Variants in UBR3 observed in about 807,000 individuals in gnomAD.
The protein encoded by UBR3 is ubiquitin protein ligase E3 component n-recognin 3.
In UBR3, 85 loss-of-function variants were observed where a neutral mutation model predicts 243.2. The ratio of observed to expected loss-of-function variants is 0.35; its 90% CI spans 0.29 to 0.42. The LOEUF (loss-of-function observed/expected upper bound fraction) is 0.42. Ranked by LOEUF, UBR3 falls within the 10% of genes least tolerant of loss-of-function variation. The pLI, the probability that UBR3 is intolerant of heterozygous loss-of-function variation, is 1.00. For synonymous variants in UBR3, 748 were observed against 799.8 expected (o/e 0.94, Z 1.09); for missense variants, 1,686 against 2,300.8 (o/e 0.73, Z 5.47).
chr2:169,949,841 C>T lies in UBR3; in HGVS notation c.3321C>T (p.Tyr1107=), dbSNP rs2086938086. The T allele has an allele frequency of 1.9e-6, 3 of 1,571,114 alleles. No individual in the cohort carries two copies. Among genetic ancestry groups the T allele is most frequent in the South Asian group, 2.3e-5 (2 of 86,592 alleles). Residue 1107 remains tyrosine (Y), a synonymous_variant, in exon 23 of 39, where the codon TAC becomes TAT. Transcript: ENST00000272793. Reference sequence around the variant, plus strand: ...AACTCTCAGGAAAACAAAACTCCTACTATCCTCCTTGGCTTGATGACATAG... The same window carrying T: ...AACTCTCAGGAAAACAAAACTCCTATTATCCTCCTTGGCTTGATGACATAG... ...HHKLSGKQNS[Y]YPPWLDDIEI... is the part of the protein sequence containing the mutation.
chr2:169,936,437 A>G (rs1160247323), intron 19 of UBR3, among the ~76,000 whole-genome samples: 2 of 152,098 alleles, frequency 1.3e-5, no homozygotes, highest in Non-Finnish European at 2.9e-5. Context: ...TCTCTGATAT[A>G]TTAATGATAG....
chr2:169,982,494 A>G (rs1423444435), intron 24 of UBR3, among the ~76,000 whole-genome samples: 3 of 152,258 alleles, frequency 2.0e-5, no homozygotes, highest in African/African-American at 7.2e-5. Context: ...AATTTTATGT[A>G]ACAGTGTAAA....
Position 170,082,094 on chromosome 2 carries a change from A to G in UBR3, c.*251A>G, listed in dbSNP as rs2091917284. 1 of 300,840 alleles carries G rather than the reference A, an allele frequency of 3.3e-6. No homozygotes were observed. The allele number at this position is 300,840 out of a possible 1,614,324, so 18.6% of individuals were successfully genotyped here. A position where few individuals can be genotyped will look rare whatever the true frequency, so the allele number is the denominator to read the frequency against. On this transcript the variant is annotated 3_prime_UTR_variant, in exon 39 of 39. Transcript: ENST00000272793. The stretch of plus-strand genomic sequence containing the variant: ...TGGTCATTTTTTAAGTGCACAATTA[A>G]TAAGAAGCACAACTTGTTCACAAAC...
chr2:170,036,740 T>C lies in UBR3; in HGVS notation c.4557-4142T>C, dbSNP rs570647931. ...GAATGATTCTCCATGGTTTAAAATA[T>C]TAAATCTTATTTTGTCATAGTTGTT... is the stretch of plus-strand genomic sequence containing the variant. On this transcript the variant is annotated intron_variant, in intron 31 of 38. Coordinates refer to ENST00000272793, the MANE Select transcript of UBR3 (RefSeq NM_172070.4). Among the ~76,000 whole-genome samples the C allele has an allele frequency of 2.6e-5, 4 of 152,262 alleles. No homozygotes were observed. In the South Asian group the frequency reaches 8.3e-4, roughly 32 times the overall value.
At chr2:169,891,637 C>T (rs983775036) in intron 6 of UBR3, among the ~76,000 whole-genome samples, 5 of 151,774 alleles carry the variant, frequency 3.3e-5, no homozygotes, top group African/African-American at 1.2e-4. Context: ...CACACACACA[C>T]ACAGGGAATG....
intron 10 of UBR3, among the ~76,000 whole-genome samples, chr2:169,907,916 T>G (rs1399633461): frequency 6.6e-6 from 1 of 152,062 alleles, no homozygotes; most frequent in Non-Finnish European, 1.5e-5. Context: ...GGATTACAAG[T>G]GTGCACCACC....
intron 1 of UBR3, among the ~76,000 whole-genome samples, chr2:169,858,308 A>G (rs529809174): frequency 1.4e-4 from 22 of 152,294 alleles, no homozygotes; most frequent in African/African-American, 4.3e-4. Flanking sequence ...GCCTGCTTGA[A>G]AAACTTCCTT....
intron 1 of UBR3, among the ~76,000 whole-genome samples, chr2:169,852,479 A>G (rs1361550984): frequency 6.6e-6 from 1 of 152,186 alleles, no homozygotes; most frequent in East Asian, 1.9e-4. Context: ...CTTTCACTCT[A>G]CAAAAACAGA....
intron 14 of UBR3, among the ~76,000 whole-genome samples, 168 bp downstream of exon 14, chr2:169,925,915 G>T (rs879675227): frequency 2.0e-5 from 3 of 152,190 alleles, no homozygotes; most frequent in Non-Finnish European, 4.4e-5. Flanking sequence ...CCAACACAAG[G>T]CTACAAGGAA....
chr2:169,990,239 A>G (rs2089211450), intron 25 of UBR3, among the ~76,000 whole-genome samples: 1 of 152,156 alleles, frequency 6.6e-6, no homozygotes, highest in African/African-American at 2.4e-5. Context: ...CTGCTTAATT[A>G]AGGGCCTTTA....
Position 170,064,803 on chromosome 2 carries a change from ATTTTTTT to A in UBR3, c.5019+3376_5019+3382del. ...TTCTTGACGTCTTTTTGCTTTTTCT[ATTTTTTT>A]TTTTTTTTTTTTTTTGCTATATATG... On this transcript the variant is annotated intron_variant, in intron 35 of 38. Coordinates refer to ENST00000272793, the MANE Select transcript of UBR3 (RefSeq NM_172070.4). Among the ~76,000 whole-genome samples the A allele has an allele frequency of 5.5e-3, 486 of 87,906 alleles. 2 individuals carry two copies. The highest frequency in any genetic ancestry group is 0.019 in the African/African-American group (431 of 23,110). 57.7% of individuals were successfully genotyped at this position (87,906 alleles called of 152,430 possible).
intron 31 of UBR3, among the ~76,000 whole-genome samples, chr2:170,035,735 C>G (rs1158333570): frequency 1.3e-5 from 2 of 151,906 alleles, no homozygotes; most frequent in African/African-American, 4.8e-5. Flanking sequence ...CATTGAATCT[C>G]TAGGTCAAGT....
Position 169,986,628 on chromosome 2 carries a change from T to C in UBR3, c.3635-17T>C. On this transcript the variant is annotated splice_polypyrimidine_tract_variant and intron_variant, in intron 24 of 38. Transcript: ENST00000272793. ...TTCCTCCTAAGGAATTAAAGAGATG[T>C]AACTTTTTTCCCTCAGATTCTCCTG... is the stretch of plus-strand genomic sequence containing the variant. The C allele has an allele frequency of 6.3e-7, 1 of 1,598,734 alleles. No individual in the cohort carries two copies. Among genetic ancestry groups the C allele is most frequent in the African/African-American group, 1.3e-5 (1 of 74,462 alleles).
Position 169,928,824 on chromosome 2 carries a change from T to C in UBR3, c.2522T>C (p.Phe841Ser). ...GTAGCTGATTTTAAGGCTCCTGTTT[T>C]TGAACCTGGAGGTTCTATGCAACAA... ...SAVADFKAPV[F>S]EPGGSMQQGM... Residue 841 changes from phenylalanine to serine, a missense_variant, in exon 18 of 39, where the codon TTT becomes TCT. Around this residue, in one of 8 missense-constraint regions of UBR3, gnomAD observed 346 missense variants for 585.8 expected, o/e 0.59. Transcript: ENST00000272793. The C allele has an allele frequency of 6.6e-7, 1 of 1,504,842 alleles. No individual in the cohort carries two copies. The highest frequency in any genetic ancestry group is 9.0e-7 in the Non-Finnish European group (1 of 1,114,286). The allele number at this position is 1,504,842 out of a possible 1,614,324, so 93.2% of individuals were successfully genotyped here. A position where few individuals can be genotyped will look rare whatever the true frequency, so the allele number is the denominator to read the frequency against.
Position 169,949,764 on chromosome 2 carries a change from A to G in UBR3, c.3244A>G (p.Ile1082Val). 5 of 1,551,644 alleles carry G rather than the reference A, an allele frequency of 3.2e-6. No individual in the cohort carries two copies. The highest frequency in any genetic ancestry group is 4.4e-6 in the Non-Finnish European group (5 of 1,146,786). Residue 1082 changes from isoleucine (I) to valine (V), a missense_variant, in exon 23 of 39, where the codon ATT becomes GTT. By Grantham distance (29) the Ile-to-Val change is conservative (BLOSUM62 3). Transcript: ENST00000272793. ...PGSAPQLTTA[I>V]LEIKESILSL... Reference sequence around the variant, plus strand: ...TTCAGCTCCACAGTTAACTACAGCCATTTTGGAAATTAAAGAAAGCATATT... The same window carrying G: ...TTCAGCTCCACAGTTAACTACAGCCGTTTTGGAAATTAAAGAAAGCATATT...
At chr2:169,964,253 T>G (rs1165846249) in intron 24 of UBR3, 1 of 283,012 alleles carries the variant, frequency 3.5e-6, no homozygotes, top group East Asian at 1.1e-4. Flanking sequence ...GAGCAGTCCT[T>G]TTTTTGTCAG....
At chr2:170,039,713 C>T (rs1197678411) in intron 31 of UBR3, among the ~76,000 whole-genome samples, 1 of 152,128 alleles carries the variant, frequency 6.6e-6, no homozygotes, top group East Asian at 1.9e-4. Context: ...AATTTAGCCA[C>T]TTCTGGAGCT....
At position 169,958,425 on chromosome 2, in the gene UBR3, C is replaced by T; in HGVS notation, c.3546-13C>T. The T allele has an allele frequency of 6.2e-7, 1 of 1,610,836 alleles. No individual in the cohort carries two copies. Among genetic ancestry groups the T allele is most frequent in the Non-Finnish European group, 8.5e-7 (1 of 1,178,476 alleles). Reference sequence around the variant, plus strand: ...GCATCTGATACTTAAAACTTTATTTCTGTTTAATCTAGGCGACAGAAGGCT... The same window carrying T: ...GCATCTGATACTTAAAACTTTATTTTTGTTTAATCTAGGCGACAGAAGGCT... On this transcript the variant is annotated splice_polypyrimidine_tract_variant and intron_variant, in intron 23 of 38. Coordinates refer to ENST00000272793, the MANE Select transcript of UBR3 (RefSeq NM_172070.4).
chr2:170,073,670 T>C (rs2091747570), intron 36 of UBR3, 63 bp downstream of exon 36: 4 of 1,516,176 alleles, frequency 2.6e-6, no homozygotes, highest in African/African-American at 1.4e-5. Context: ...AAGAGAATAA[T>C]GAGGACTGTT....
Sources: gnomAD v4.1 joint callset for allele counts (sites outside exome capture counted in the v4.1 genomes callset) on GRCh38, gnomAD v4.1.1 for gene constraint, gnomAD v4.1.1 regional missense constraint, MANE v1.5 for transcripts, NCBI Gene and HGNC (gene_info 2026-07-23, HGNC 2026-07-21) for gene names.